The following ATG16L2 variants were observed in gnomAD, a reference collection of about 807,000 sequenced individuals.
ATG16L2 encodes protein Atg16l2.
ATG16L2 carries 77 observed loss-of-function variants against 84.7 expected under a neutral mutation model. That is an observed-to-expected ratio of 0.91 (90% CI 0.76 to 1.10). The LOEUF (loss-of-function observed/expected upper bound fraction) is 1.10, where lower values mean the gene tolerates loss of function less well. ATG16L2 is among the 50% of genes least tolerant of loss of function. ATG16L2 has a pLI of 0.00. For synonymous variants in ATG16L2, 361 were observed against 342.8 expected (o/e 1.05, Z -0.59); for missense variants, 782 against 817.6 (o/e 0.96, Z 0.53).
Position 72,828,481 on chromosome 11 carries a change from G to A in ATG16L2, c.1595G>A (p.Arg532His), listed in dbSNP as rs775912740. Residue 532 changes from arginine (R) to histidine (H), a missense_variant, in exon 15 of 18, where the codon CGT becomes CAT. Arg to His is a conservative substitution (Grantham distance 29). Transcript: ENST00000321297. ...AACACACTCAAGGTCATCGACCTGCGTGTCAGCAACATCCGCCAGGTGTTC... is the reference window on the plus strand; with the variant it reads ...AACACACTCAAGGTCATCGACCTGCATGTCAGCAACATCCGCCAGGTGTTC... ...RDNTLKVIDL[R>H]VSNIRQVFRA... 5 of 1,614,182 alleles carry A rather than the reference G, an allele frequency of 3.1e-6. No homozygotes were observed. The highest frequency in any genetic ancestry group is 1.7e-5 in the Admixed American group (1 of 60,030).
At chr11:72,842,713 A>C (rs758595614) in exon 6 of ATG16L2, 13 of 1,614,022 alleles carry the variant, frequency 8.1e-6, no homozygotes, top group Non-Finnish European at 1.1e-5. Context: ...CGCCCATTGA[A>C]TTCCCCTTCC....
At chr11:72,841,867 C>T (rs1024650211) in intron 5 of ATG16L2, among the ~76,000 whole-genome samples, 20 of 152,182 alleles carry the variant, frequency 1.3e-4, no homozygotes, top group African/African-American at 4.1e-4. Flanking sequence ...TGAAAATGTA[C>T]CAAATTAGTC....
rs1859587048 is a variant in ATG16L2, at chr11:72,814,468, G to T, written c.23G>T (p.Gly8Val). The T allele has an allele frequency of 6.6e-7, 1 of 1,514,834 alleles. No individual in the cohort carries two copies. Among genetic ancestry groups the T allele is most frequent in the Non-Finnish European group, 8.9e-7 (1 of 1,127,272 alleles). 93.8% of individuals were successfully genotyped at this position (1,514,834 alleles called of 1,614,324 possible). A position where few individuals can be genotyped will look rare whatever the true frequency, so the allele number is the denominator to read the frequency against. ...GCCATGGCGGGGCCGGGCGTCCCCG[G>T]TGCCCCCGCAGCGCGCTGGAAACGC... MAGPGVP[G>V]APAARWKRHI... Residue 8 changes from glycine to valine, a missense_variant, in exon 1 of 18, where the codon GGT becomes GTT. Transcript: ENST00000321297.
chr11:72,817,654 T>G, intron 2 of ATG16L2, 102 bp from the exon 3 acceptor site: 5 of 1,154,930 alleles, frequency 4.3e-6, no homozygotes, highest in Non-Finnish European at 6.4e-6. Flanking sequence ...CAGGACGAAG[T>G]TAATGGCTCT....
downstream of ATG16L2, chr11:72,843,738 C>A (rs113188552): frequency 1.1e-5 from 6 of 553,440 alleles, no homozygotes; most frequent in African/African-American, 1.1e-4. Flanking sequence ...AACAAAAACT[C>A]AAGAAACTGA....
At chr11:72,821,953 T>C in intron 4 of ATG16L2, 91 bp from the exon 5 acceptor site, 1 of 1,431,338 alleles carries the variant, frequency 7.0e-7, no homozygotes, top group Non-Finnish European at 9.1e-7. Context: ...GCGTTTGGCA[T>C]GGGCAGGTCT....
downstream of ATG16L2, among the ~76,000 whole-genome samples, chr11:72,831,234 C>T (rs970587832): frequency 3.9e-5 from 6 of 152,218 alleles, no homozygotes; most frequent in African/African-American, 1.2e-4. Context: ...AGGCTGGATG[C>T]GGTGGCTCAC....
At chr11:72,835,405 G>A (rs918580579) in intron 5 of ATG16L2, among the ~76,000 whole-genome samples, 19 of 123,148 alleles carry the variant, frequency 1.5e-4, no homozygotes, top group Non-Finnish European at 3.5e-4. Context: ...GAAAAGGCAG[G>A]AGAGGTGGTG....
At chr11:72,826,859 C>T in intron 13 of ATG16L2, 36 bp downstream of exon 13, 2 of 1,606,234 alleles carry the variant, frequency 1.2e-6, no homozygotes, top group African/African-American at 1.3e-5. Context: ...CTCCTCCCCA[C>T]CAGCCAGGAG....
intron 5 of ATG16L2, chr11:72,838,954 T>C: frequency 7.5e-7 from 1 of 1,338,718 alleles, no homozygotes; most frequent in Non-Finnish European, 1.1e-6. Context: ...TAATCACTCA[T>C]CTGTCCAAGG....
exon 6 of ATG16L2, chr11:72,842,852 A>G: frequency 6.2e-7 from 1 of 1,604,446 alleles, no homozygotes; most frequent in Admixed American, 1.7e-5. Flanking sequence ...CTAGGGAGCA[A>G]GAGAAAAACA....
intron 1 of ATG16L2, 51 bp downstream of exon 1, chr11:72,814,614 G>A (rs1350695544): frequency 2.1e-6 from 3 of 1,455,852 alleles, no homozygotes; most frequent in South Asian, 1.3e-5. Context: ...ACGCGGCTAC[G>A]GGCGCGGGGA....
chr11:72,834,276 G>A (rs1185031520), downstream of ATG16L2, among the ~76,000 whole-genome samples: 1 of 152,192 alleles, frequency 6.6e-6, no homozygotes, highest in Non-Finnish European at 1.5e-5. Flanking sequence ...AGGCCACTGG[G>A]AGAGGGCTGG....
At chr11:72,826,317 GACCTGAGGGCGCAACATGGAT>G (rs1291557765) in intron 11 of ATG16L2, 74 bp downstream of exon 11, 24 of 1,532,306 alleles carry the variant, frequency 1.6e-5, no homozygotes, top group Non-Finnish European at 2.1e-5. Flanking sequence ...GGGGCTGTGG[GACCTGAGGGCGCAACATGGAT>G]ACCCTAGAAC....
intron 17 of ATG16L2, 45 bp from the exon 18 acceptor site, chr11:72,829,258 G>A (rs149714414): frequency 3.8e-4 from 600 of 1,594,274 alleles, no homozygotes; most frequent in Middle Eastern, 1.9e-3. Context: ...GGTTGCAGGC[G>A]CAGTTCCTGA....
In ATG16L2 at chr11:72,814,425, G is replaced by GCTGGGCGGGAGGAACGCGCCA; in HGVS notation, c.-19_-18insGGGCGGGAGGAACGCGCCACT. On this transcript the variant is annotated 5_prime_UTR_variant, in exon 1 of 18. Transcript: ENST00000321297. ...CCGTCCTGGGCGGGAGGAACGCGCC[G>GCTGGGCGGGAGGAACGCGCCA]CTAGGCGGGAGAGCGCGGCCATGGC... 1.4e-6 allele frequency: 2 copies of GCTGGGCGGGAGGAACGCGCCA among 1,422,184 alleles called. No individual in the cohort carries two copies. The highest frequency in any genetic ancestry group is 9.3e-7 in the Non-Finnish European group (1 of 1,076,720). 88.1% of individuals were successfully genotyped at this position (1,422,184 alleles called of 1,614,324 possible). A position where few individuals can be genotyped will look rare whatever the true frequency, so the allele number is the denominator to read the frequency against.
intron 10 of ATG16L2, among the ~76,000 whole-genome samples, chr11:72,825,653 C>G (rs942103259): frequency 2.6e-5 from 4 of 152,170 alleles, no homozygotes; most frequent in Non-Finnish European, 5.9e-5. Context: ...CAGATGGTCC[C>G]TGATGGGGAT....
At chr11:72,839,650 C>G (rs187003149) in intron 5 of ATG16L2, among the ~76,000 whole-genome samples, 87 of 152,074 alleles carry the variant, frequency 5.7e-4, no homozygotes, top group Admixed American at 1.2e-3. Flanking sequence ...GATGGGGGTT[C>G]CATTTACCAA....
Position 72,836,438 on chromosome 11 carries a change from C to A in ATG16L2, c.*22-6179C>A, listed in dbSNP as rs72969821. On this transcript the variant is annotated intron_variant, in intron 5 of 5. Coordinates refer to the ATG16L2 transcript ENST00000534905. Reference sequence around the variant, plus strand: ...AGAATCAGAGCTCCCTCCTCAGCTGCCTCTATGCTATCTGCCCCTCCCTTC... The same window carrying A: ...AGAATCAGAGCTCCCTCCTCAGCTGACTCTATGCTATCTGCCCCTCCCTTC... Among the ~76,000 whole-genome samples, 1,180 of 152,308 alleles carry A rather than the reference C, an allele frequency of 7.7e-3. 13 individuals are homozygous for A. Among genetic ancestry groups the A allele is most frequent in the African/African-American group, 0.027 (1,120 of 41,564 alleles).
Sources: allele counts gnomAD v4.1 joint callset (sites outside exome capture counted in the v4.1 genomes callset), GRCh38; gene constraint gnomAD v4.1.1; transcripts MANE v1.5; gene names NCBI Gene and HGNC (gene_info 2026-07-23, HGNC 2026-07-21).